BRMS1L: variants seen among roughly 807,000 people sequenced by gnomAD.
BRMS1L encodes the protein BRMS1 like transcriptional repressor, also known as breast cancer metastasis-suppressor 1-like protein.
BRMS1L carries 23 observed loss-of-function variants against 50.3 expected under a neutral mutation model. The observed-to-expected ratio is 0.46, with a 90% CI of 0.33 to 0.65. The LOEUF is 0.65. Ranked by LOEUF, BRMS1L falls within the 30% of genes least tolerant of loss-of-function variation. The probability of loss-of-function intolerance (pLI) is 0.02; values close to 1 mark genes in which losing one functional copy is unlikely to be tolerated. For synonymous variants in BRMS1L, 114 were observed against 126.9 expected (o/e 0.90, Z 0.69); for missense variants, 286 against 386.1 (o/e 0.74, Z 2.17).
chr14:35,838,967 T>C (rs1009715116), intron 4 of BRMS1L, among the ~76,000 whole-genome samples: 1 of 152,220 alleles, frequency 6.6e-6, no homozygotes, highest in Non-Finnish European at 1.5e-5. Flanking sequence ...CTGAATGGTA[T>C]TTCCTAGGTT....
intron 4 of BRMS1L, among the ~76,000 whole-genome samples, chr14:35,835,379 G>T (rs1337002937): frequency 6.6e-6 from 1 of 152,036 alleles, no homozygotes; most frequent in Non-Finnish European, 1.5e-5. Flanking sequence ...TGTATATTCT[G>T]TTTATTTTGC....
At chr14:35,863,810 CT>C (rs2078384645) in intron 5 of BRMS1L, 59 bp from the exon 6 acceptor site, 3 of 1,483,158 alleles carry the variant, frequency 2.0e-6, no homozygotes, top group African/African-American at 1.4e-5. Flanking sequence ...AAATTAGAGT[CT>C]TTTTTCCTCC....
chr14:35,850,009 G>A (rs1461283058), intron 4 of BRMS1L, among the ~76,000 whole-genome samples: 1 of 149,706 alleles, frequency 6.7e-6, no homozygotes, highest in Non-Finnish European at 1.5e-5. Flanking sequence ...TTCTAGTAGA[G>A]ACGGGGTTTC....
At chr14:35,848,462 A>G (rs1438314928) in intron 4 of BRMS1L, among the ~76,000 whole-genome samples, 4 of 152,096 alleles carry the variant, frequency 2.6e-5, no homozygotes, top group Non-Finnish European at 4.4e-5. Context: ...CAGCCTTCCA[A>G]GTAGCTGGGA....
chr14:35,851,383 CAA>C (rs35957897), intron 4 of BRMS1L, among the ~76,000 whole-genome samples: 6 of 83,896 alleles, frequency 7.2e-5, no homozygotes, highest in African/African-American at 4.7e-5. Context: ...AAAAGCATGC[CAA>C]AAAAAAAAAA....
chr14:35,862,715 TG>T, intron 5 of BRMS1L, 29 bp downstream of exon 5: 1 of 1,529,396 alleles, frequency 6.5e-7, no homozygotes, highest in Non-Finnish European at 9.0e-7. Flanking sequence ...TTGTGATGTT[TG>T]AGTGGCACCA....
At chr14:35,863,599 T>C (rs899908475) in intron 5 of BRMS1L, among the ~76,000 whole-genome samples, 1 of 152,232 alleles carries the variant, frequency 6.6e-6, no homozygotes, top group Non-Finnish European at 1.5e-5. Context: ...AGACAATGCA[T>C]GTAATATACA....
intron 9 of BRMS1L, among the ~76,000 whole-genome samples, chr14:35,870,100 G>A (rs113818851): frequency 1.0e-3 from 158 of 151,340 alleles, no homozygotes; most frequent in African/African-American, 3.6e-3. Flanking sequence ...GATGGAGTAG[G>A]AAGAATGTGC....
At chr14:35,862,026 T>A (rs1432070333) in intron 4 of BRMS1L, among the ~76,000 whole-genome samples, 1 of 152,202 alleles carries the variant, frequency 6.6e-6, no homozygotes, top group Non-Finnish European at 1.5e-5. Context: ...ATTCAATCTG[T>A]CTATGGTTTT....
intron 4 of BRMS1L, among the ~76,000 whole-genome samples, chr14:35,839,550 G>A (rs2078035905): frequency 6.6e-6 from 1 of 152,118 alleles, no homozygotes; most frequent in African/African-American, 2.4e-5. Flanking sequence ...ATTTCCTTGA[G>A]CAGTGGTTTG....
chr14:35,870,886 A>G lies in BRMS1L; in HGVS notation c.*409A>G, dbSNP rs2078483890. The G allele has an allele frequency of 6.4e-6, 1 of 157,200 alleles. No individual in the cohort carries two copies. The highest frequency in any genetic ancestry group is 2.4e-5 in the African/African-American group (1 of 41,490). The allele number at this position is 157,200 out of a possible 1,614,324, so 9.7% of individuals were successfully genotyped here. A position where few individuals can be genotyped will look rare whatever the true frequency, so the allele number is the denominator to read the frequency against. The stretch of plus-strand genomic sequence containing the variant: ...AAATAAGGCCGATAGAATGTTTCCT[A>G]TAAATGGTTTGTACTAGTACATTAG... On this transcript the variant is annotated 3_prime_UTR_variant, in exon 10 of 10. Coordinates refer to ENST00000216807, the MANE Select transcript of BRMS1L (RefSeq NM_032352.4).
At chr14:35,842,778 C>A (rs7148312) in intron 4 of BRMS1L, among the ~76,000 whole-genome samples, 4,294 of 152,234 alleles carry the variant, frequency 0.028, 153 homozygotes, top group African/African-American at 0.081. Flanking sequence ...GTTTTTTCCA[C>A]CTTGGTTCCA....
rs2078485306 is a variant in BRMS1L, at chr14:35,870,988, G to C, written c.*511G>C. On this transcript the variant is annotated 3_prime_UTR_variant, in exon 10 of 10. Coordinates refer to ENST00000216807, the MANE Select transcript of BRMS1L (RefSeq NM_032352.4). ...TGGCATCATCAGCTTATTTAGAACTGATGGCCATACCTTACAATCTTGTTT... is the reference window on the plus strand; with the variant it reads ...TGGCATCATCAGCTTATTTAGAACTCATGGCCATACCTTACAATCTTGTTT... 1 of 152,632 alleles carries C rather than the reference G, an allele frequency of 6.6e-6. No homozygotes were observed. Among genetic ancestry groups the C allele is most frequent in the Non-Finnish European group, 1.5e-5 (1 of 68,044 alleles). The allele number at this position is 152,632 out of a possible 1,614,324, so 9.5% of individuals were successfully genotyped here. A position where few individuals can be genotyped will look rare whatever the true frequency, so the allele number is the denominator to read the frequency against.
chr14:35,861,642 A>G (rs952579980), intron 4 of BRMS1L, among the ~76,000 whole-genome samples: 7 of 152,186 alleles, frequency 4.6e-5, no homozygotes, highest in African/African-American at 1.4e-4. Context: ...TTTGTAAGCC[A>G]TCTTTTCCCT....
intron 1 of BRMS1L, among the ~76,000 whole-genome samples, chr14:35,828,239 C>A (rs1041842052): frequency 4.0e-5 from 6 of 151,808 alleles, no homozygotes; most frequent in Non-Finnish European, 7.4e-5. Context: ...ATGGCGTGAT[C>A]TTGGCTCACT....
chr14:35,829,962 T>C (rs886155561), intron 1 of BRMS1L: 2 of 517,368 alleles, frequency 3.9e-6, no homozygotes, highest in African/African-American at 2.1e-5. Flanking sequence ...CATTTGCCTC[T>C]TTCTCACTGA....
chr14:35,830,911 C>T (rs2077911487), intron 1 of BRMS1L, among the ~76,000 whole-genome samples: 1 of 149,780 alleles, frequency 6.7e-6, no homozygotes, highest in Admixed American at 6.6e-5. Flanking sequence ...TTTATATACT[C>T]ATCTGTATTT....
At chr14:35,836,137 C>T (rs534221803) in intron 4 of BRMS1L, among the ~76,000 whole-genome samples, 40 of 152,096 alleles carry the variant, frequency 2.6e-4, no homozygotes, top group African/African-American at 9.2e-4. Flanking sequence ...TATTTCTTGC[C>T]TTTGTGTTGG....
intron 5 of BRMS1L, 70 bp from the exon 6 acceptor site, chr14:35,863,800 A>C: frequency 7.1e-7 from 1 of 1,405,190 alleles, no homozygotes; most frequent in Non-Finnish European, 9.9e-7. Flanking sequence ...AGCCACCATA[A>C]AATTAGAGTC....
Sources: allele counts gnomAD v4.1 joint callset (sites outside exome capture counted in the v4.1 genomes callset), GRCh38; gene constraint gnomAD v4.1.1; transcripts MANE v1.5; gene names NCBI Gene and HGNC (gene_info 2026-07-23, HGNC 2026-07-21).